The following ATP11A variants were observed in gnomAD, a reference collection of about 807,000 sequenced individuals.
ATP11A encodes phospholipid-transporting ATPase IH.
In ATP11A, 81 loss-of-function variants were observed where a neutral mutation model predicts 154.4. That is an observed-to-expected ratio of 0.52 (90% CI 0.44 to 0.63). The LOEUF (loss-of-function observed/expected upper bound fraction) is 0.63. Among genes scored for constraint, ATP11A ranks in the 30% least tolerant of loss-of-function variants. ATP11A has a pLI of 0.00. For synonymous variants in ATP11A, 623 were observed against 585.9 expected, an observed-to-expected ratio of 1.06 and a Z score of -0.91; for missense variants, 1,316 against 1,474.3, an observed-to-expected ratio of 0.89 and a Z score of 1.76.
rs1464518497 is a variant in ATP11A at position 112,885,183 on chromosome 13, A to G, written c.*3317A>G. On this transcript the variant is annotated 3_prime_UTR_variant, in exon 30 of 30. Transcript: ENST00000375645. ...ACACGCGTGTGCATGCTCCTACACA[A>G]TACATATGCACATATCATGAACAGC... The G allele has an allele frequency of 2.6e-5, 4 of 152,142 alleles. No homozygotes were observed. The highest frequency in any genetic ancestry group is 4.4e-5 in the Non-Finnish European group (3 of 68,042). The allele number at this position is 152,142 out of a possible 1,614,324, so 9.4% of individuals were successfully genotyped here.
At chr13:112,718,562 C>T (rs1250561526) in intron 1 of ATP11A, among the ~76,000 whole-genome samples, 1 of 152,154 alleles carries the variant, frequency 6.6e-6, no homozygotes, top group Non-Finnish European at 1.5e-5. Context: ...AGGCAGCACC[C>T]AGCTACTTGC....
chr13:112,769,986 T>C (rs553511981), intron 1 of ATP11A, among the ~76,000 whole-genome samples: 1 of 152,366 alleles, frequency 6.6e-6, no homozygotes, highest in Admixed American at 6.5e-5. Flanking sequence ...GCGTTACGTT[T>C]GCTCCTGCTG....
At chr13:112,876,225 AC>A (rs1170565024) in intron 28 of ATP11A, 3 of 261,580 alleles carry the variant, frequency 1.1e-5, no homozygotes, top group Non-Finnish European at 2.2e-5. Context: ...GTAAATGGAA[AC>A]CTTTTTTAAA....
chr13:112,826,361 T>A (rs575524160), intron 11 of ATP11A, among the ~76,000 whole-genome samples: 1 of 152,326 alleles, frequency 6.6e-6, no homozygotes, highest in African/African-American at 2.4e-5. Flanking sequence ...CACAAAGAGA[T>A]CCCATGAATA....
intron 16 of ATP11A, among the ~76,000 whole-genome samples, chr13:112,841,848 G>A (rs1342093046): frequency 6.6e-6 from 1 of 152,264 alleles, no homozygotes; most frequent in Admixed American, 6.5e-5. Flanking sequence ...ACTCTTCCAA[G>A]TTCAGAGGTG....
chr13:112,766,827 AGATGT>A (rs2077090977), intron 1 of ATP11A, among the ~76,000 whole-genome samples: 1 of 33,310 alleles, frequency 3.0e-5, no homozygotes. Context: ...GAAGGTGGGG[AGATGT>A]GGGGGTGTTG....
Position 112,825,575 on chromosome 13 carries a change from A to AT in ATP11A, c.1018_1019insT (p.Asn340IlefsTer18). On this transcript the variant is annotated frameshift_variant, in exon 11 of 30. Transcript: ENST00000375645. LOFTEE classifies it high-confidence loss of function. ...GAAAACGGAGTCGGAAAGGCAGAGG[A>AT]ATCTGGTATGGAGAATCACTGCCCT... The AT allele has an allele frequency of 6.2e-7, 1 of 1,612,432 alleles. No individual in the cohort carries two copies.
intron 28 of ATP11A, 144 bp from the exon 29 acceptor site, chr13:112,878,073 G>A (rs192812543): frequency 6.7e-6 from 5 of 744,552 alleles, no homozygotes; most frequent in Admixed American, 2.1e-5. Flanking sequence ...GAACTTGCAC[G>A]TGGTGGCGAG....
At chr13:112,743,619 G>A (rs1178857891) in intron 1 of ATP11A, among the ~76,000 whole-genome samples, 1 of 151,840 alleles carries the variant, frequency 6.6e-6, no homozygotes, top group East Asian at 1.9e-4. Flanking sequence ...CTGCTAGAGT[G>A]TGATAACCTG....
intron 12 of ATP11A, 151 bp from the exon 13 acceptor site, chr13:112,831,224 G>A: frequency 2.4e-6 from 2 of 824,378 alleles, no homozygotes; most frequent in Non-Finnish European, 3.8e-6. Flanking sequence ...TCAGCCCAGT[G>A]AGGGGGTCTG....
intron 26 of ATP11A, among the ~76,000 whole-genome samples, chr13:112,872,602 CT>C (rs1043067787): frequency 2.0e-5 from 3 of 152,236 alleles, no homozygotes; most frequent in African/African-American, 7.2e-5. Flanking sequence ...CAGAGCGAGA[CT>C]GTCTCAAAAA....
intron 25 of ATP11A, among the ~76,000 whole-genome samples, chr13:112,863,339 G>T (rs71446662): frequency 8.0e-6 from 1 of 125,112 alleles, no homozygotes; most frequent in South Asian, 2.8e-4. Context: ...TCCCAGCGGG[G>T]TCCATCACCA....
chr13:112,841,080 A>G (rs1049449582), intron 16 of ATP11A, among the ~76,000 whole-genome samples: 14 of 152,040 alleles, frequency 9.2e-5, no homozygotes, highest in South Asian at 2.1e-4. Flanking sequence ...GTTTCCCTGC[A>G]CCCAGGCACA....
chr13:112,703,251 C>A (rs781619771), intron 1 of ATP11A: 1 of 152,248 alleles, frequency 6.6e-6, no homozygotes, highest in Admixed American at 6.5e-5. Context: ...TGTGTCCTCC[C>A]AGAGGCGGGG....
At chr13:112,724,320 C>G (rs186371728) in intron 1 of ATP11A, among the ~76,000 whole-genome samples, 2 of 152,002 alleles carry the variant, frequency 1.3e-5, no homozygotes, top group East Asian at 3.9e-4. Context: ...ACCTACACTT[C>G]TGAGCACCTG....
At chr13:112,784,560 G>T (rs2077575200) in intron 1 of ATP11A, among the ~76,000 whole-genome samples, 3 of 140,950 alleles carry the variant, frequency 2.1e-5, no homozygotes, top group Non-Finnish European at 4.6e-5. Flanking sequence ...GTCTCGCTCT[G>T]TCCCCCAGGC....
chr13:112,705,078 A>G (rs1256568284), intron 1 of ATP11A, among the ~76,000 whole-genome samples: 1 of 152,252 alleles, frequency 6.6e-6, no homozygotes, highest in Non-Finnish European at 1.5e-5. Flanking sequence ...TCACTCAGAT[A>G]AATGGAGACA....
chr13:112,842,505 A>T (rs2079451549), intron 17 of ATP11A, 126 bp downstream of exon 17: 1 of 808,092 alleles, frequency 1.2e-6, no homozygotes, highest in African/African-American at 1.7e-5. Context: ...TTTAGAAATC[A>T]GCTGGGCCAG....
intron 6 of ATP11A, among the ~76,000 whole-genome samples, chr13:112,817,441 G>A (rs1050625732): frequency 2.0e-5 from 3 of 152,236 alleles, no homozygotes; most frequent in East Asian, 1.9e-4. Context: ...GAATGAACAC[G>A]CTAACCTAAA....
Sources: allele counts gnomAD v4.1 joint callset (sites outside exome capture counted in the v4.1 genomes callset), GRCh38; gene constraint gnomAD v4.1.1; transcripts MANE v1.5; gene names NCBI Gene and HGNC (gene_info 2026-07-23, HGNC 2026-07-21).